The following MFSD6 variants were observed in gnomAD, a reference collection of about 807,000 sequenced individuals.
The protein encoded by MFSD6 is major facilitator superfamily domain containing 6.
In MFSD6, 26 loss-of-function variants were observed where a neutral mutation model predicts 56.3. The ratio of observed to expected loss-of-function variants is 0.46; its 90% CI spans 0.34 to 0.64. The LOEUF (loss-of-function observed/expected upper bound fraction) is 0.64. Ranked by LOEUF, MFSD6 falls within the 30% of genes least tolerant of loss-of-function variation. The pLI, the probability that MFSD6 is intolerant of heterozygous loss-of-function variation, is 0.01. For missense variants in MFSD6, 750 were observed against 986.2 expected (o/e 0.76, Z 3.21); for synonymous variants, 331 against 366.9 (o/e 0.90, Z 1.12).
rs1686259395 is a variant in MFSD6 at position 190,438,557 on chromosome 2, T to TAGAAGAA, written c.1532+996_1532+997insAGAAGAA. The stretch of plus-strand genomic sequence containing the variant: ...TGTAAGTGCCTAGTGTTTCTTGTTG[T>TAGAAGAA]GTACTATTTCTTCTCACCATTAATG... On this transcript the variant is annotated intron_variant, in intron 3 of 7. Coordinates refer to ENST00000392328, the MANE Select transcript of MFSD6 (RefSeq NM_017694.4). This position sits in a 1 kb window ranked among gnomAD's most constrained non-coding sequence, Gnocchi z 5.2. Among the ~76,000 whole-genome samples, 4 of 152,208 alleles carry TAGAAGAA rather than the reference T, an allele frequency of 2.6e-5. No individual in the cohort carries two copies. The highest frequency in any genetic ancestry group is 2.6e-4 in the Admixed American group (4 of 15,280).
chr2:190,431,113 C>T lies in MFSD6; in HGVS notation c.-53-4864C>T, dbSNP rs1315601823. Reference sequence around the variant, plus strand: ...GCTCCTCACATCCCAGACAGGGCGGCGGGGCAGAGGCGCTCCCCACATCTC... The same window carrying T: ...GCTCCTCACATCCCAGACAGGGCGGTGGGGCAGAGGCGCTCCCCACATCTC... On this transcript the variant is annotated intron_variant, in intron 2 of 7. Transcript: ENST00000392328. This position sits in a 1 kb window ranked among gnomAD's most constrained non-coding sequence, Gnocchi z 4.4. 2.7e-4 allele frequency among the ~76,000 whole-genome samples: 40 copies of T among 146,918 alleles called. No homozygotes were observed. The highest frequency in any genetic ancestry group is 8.9e-4 in the African/African-American group (35 of 39,440).
At chr2:190,460,753 A>G (rs1233716602) in intron 3 of MFSD6, among the ~76,000 whole-genome samples, 3 of 152,230 alleles carry the variant, frequency 2.0e-5, no homozygotes, top group Non-Finnish European at 4.4e-5. Context: ...GAATATCAAG[A>G]CACAGAGACA....
chr2:190,463,942 G>C lies in MFSD6; in HGVS notation c.1533-5816G>C. On this transcript the variant is annotated intron_variant, in intron 3 of 7. Transcript: ENST00000392328. This position sits in a 1 kb window ranked among gnomAD's most constrained non-coding sequence, Gnocchi z 4.4. ...ATCCAGTTTATATATGAGGCAGACTGTAGACTGTGCTCCAGGGATCTGGTG... is the reference window on the plus strand; with the variant it reads ...ATCCAGTTTATATATGAGGCAGACTCTAGACTGTGCTCCAGGGATCTGGTG... The C allele has an allele frequency of 4.2e-6, 4 of 958,076 alleles. No individual in the cohort carries two copies. The highest frequency in any genetic ancestry group is 2.5e-6 in the Non-Finnish European group (2 of 804,958). 59.3% of individuals were successfully genotyped at this position (958,076 alleles called of 1,614,324 possible).
In MFSD6 at chr2:190,412,023, C is replaced by A. The variant is rs1200961304; in HGVS notation, c.-175-3269C>A. 14 of 985,128 alleles carry A rather than the reference C, an allele frequency of 1.4e-5. No homozygotes were observed. Among genetic ancestry groups the A allele is most frequent in the Non-Finnish European group, 1.7e-5 (14 of 829,862 alleles). 61.0% of individuals were successfully genotyped at this position (985,128 alleles called of 1,614,324 possible). On this transcript the variant is annotated intron_variant, in intron 1 of 7. Coordinates refer to ENST00000392328, the MANE Select transcript of MFSD6 (RefSeq NM_017694.4). This position sits in a 1 kb window ranked among gnomAD's most constrained non-coding sequence, Gnocchi z 4.1. ...CATGAAATTATGGCATTCTGGATGA[C>A]TTTAGGTATAATTATTTTTAGTAAC... is the stretch of plus-strand genomic sequence containing the variant.
At chr2:190,480,784 A>G (rs1236461151) in intron 4 of MFSD6, among the ~76,000 whole-genome samples, 1 of 152,250 alleles carries the variant, frequency 6.6e-6, no homozygotes, top group African/African-American at 2.4e-5. Context: ...AGTATTAAAT[A>G]CACTAATCCA....
At chr2:190,479,978 C>T (rs1688566744) in intron 4 of MFSD6, among the ~76,000 whole-genome samples, 1 of 152,090 alleles carries the variant, frequency 6.6e-6, no homozygotes, top group South Asian at 2.1e-4. Flanking sequence ...GCCTGGGCAA[C>T]CTAGGGAGAC....
chr2:190,497,404 CTGAAAAAATAGT>C lies in MFSD6; in HGVS notation c.1892-33_1892-22del, dbSNP rs1689762032. 1.9e-6 allele frequency: 3 copies of C among 1,596,288 alleles called. No individual in the cohort carries two copies. The highest frequency in any genetic ancestry group is 1.7e-6 in the Non-Finnish European group (2 of 1,170,124). On this transcript the variant is annotated intron_variant, in intron 6 of 7. Transcript: ENST00000392328. This position sits in a 1 kb window ranked among gnomAD's most constrained non-coding sequence, Gnocchi z 5.2. ...CCTTTGTTCAAATATGTAGAAAATG[CTGAAAAAATAGT>C]TTAAACATTCTTTTCTCTCCAGACA...
rs1689299665 is a variant in MFSD6 at position 190,490,744 on chromosome 2, A to C, written c.1891+878A>C. The stretch of plus-strand genomic sequence containing the variant: ...AAAGGTCAACCAGGAGGATGAAAAT[A>C]TTTTTGCTCAGTTTTTTGGTCCCAG... On this transcript the variant is annotated intron_variant, in intron 6 of 7. Coordinates refer to ENST00000392328, the MANE Select transcript of MFSD6 (RefSeq NM_017694.4). This position sits in a 1 kb window ranked among gnomAD's most constrained non-coding sequence, Gnocchi z 4.5. Among the ~76,000 whole-genome samples, 1 of 152,112 alleles carries C rather than the reference A, an allele frequency of 6.6e-6. No individual in the cohort carries two copies. The highest frequency in any genetic ancestry group is 1.5e-5 in the Non-Finnish European group (1 of 68,032).
chr2:190,412,399 T>C lies in MFSD6; in HGVS notation c.-175-2893T>C. ...TAATTATGTTTTAGGCAGAAGGAAATCTCCATCTTTTAATTTAGGAAACTT... is the reference window on the plus strand; with the variant it reads ...TAATTATGTTTTAGGCAGAAGGAAACCTCCATCTTTTAATTTAGGAAACTT... On this transcript the variant is annotated intron_variant, in intron 1 of 7. Transcript: ENST00000392328. This position sits in a 1 kb window ranked among gnomAD's most constrained non-coding sequence, Gnocchi z 4.1. 1.0e-6 allele frequency: 1 copy of C among 985,082 alleles called. No homozygotes were observed. The highest frequency in any genetic ancestry group is 1.2e-6 in the Non-Finnish European group (1 of 829,634). 61.0% of individuals were successfully genotyped at this position (985,082 alleles called of 1,614,324 possible).
rs914891988 is a variant in MFSD6 at position 190,496,745 on chromosome 2, A to G, written c.1892-694A>G. On this transcript the variant is annotated intron_variant, in intron 6 of 7. Coordinates refer to ENST00000392328, the MANE Select transcript of MFSD6 (RefSeq NM_017694.4). This position sits in a 1 kb window ranked among gnomAD's most constrained non-coding sequence, Gnocchi z 4.7. ...ACTACTCAGCCATAAAAAGGAATGAATTAATGGCATTCACAGCAACCTGGA... is the reference window on the plus strand; with the variant it reads ...ACTACTCAGCCATAAAAAGGAATGAGTTAATGGCATTCACAGCAACCTGGA... Among the ~76,000 whole-genome samples, 4 of 152,208 alleles carry G rather than the reference A, an allele frequency of 2.6e-5. No homozygotes were observed. The highest frequency in any genetic ancestry group is 5.9e-5 in the Non-Finnish European group (4 of 68,028).
rs113425758 is a variant in MFSD6 at position 190,439,116 on chromosome 2, T to A, written c.1532+1555T>A. The stretch of plus-strand genomic sequence containing the variant: ...AATTTTGTCCACACCATGTTTAGAT[T>A]ATCTGAGCTGTTTAAATTGACCGAG... On this transcript the variant is annotated intron_variant, in intron 3 of 7. Transcript: ENST00000392328. This position sits in a 1 kb window ranked among gnomAD's most constrained non-coding sequence, Gnocchi z 5.8. Among the ~76,000 whole-genome samples, 1 of 152,040 alleles carries A rather than the reference T, an allele frequency of 6.6e-6. No individual in the cohort carries two copies. Among genetic ancestry groups the A allele is most frequent in the Non-Finnish European group, 1.5e-5 (1 of 68,030 alleles).
In MFSD6 at chr2:190,410,211, ATTATG is replaced by A. The variant is rs1690499911; in HGVS notation, c.-176+1711_-176+1715del. Reference sequence around the variant, plus strand: ...TATTAAGGCATTTTTTTGGGTACTTATTATGTTCAAGACACCATTGTAAACATTTA... The same window carrying A: ...TATTAAGGCATTTTTTTGGGTACTTATTCAAGACACCATTGTAAACATTTA... On this transcript the variant is annotated intron_variant, in intron 1 of 7. Transcript: ENST00000392328. The surrounding 1 kb of genome is among the most constrained non-coding windows in gnomAD (Gnocchi z 4.4). Among the ~76,000 whole-genome samples the A allele has an allele frequency of 6.6e-6, 1 of 152,132 alleles. No individual in the cohort carries two copies. The highest frequency in any genetic ancestry group is 2.4e-5 in the African/African-American group (1 of 41,394).
rs558622021 is a variant in MFSD6, at chr2:190,444,720, A to G, written c.1532+7159A>G. ...TGGATAATCAGTCCAACATTTCTAC[A>G]GGGGTTAGAATTTATATCATCTTGT... On this transcript the variant is annotated intron_variant, in intron 3 of 7. Transcript: ENST00000392328. 5.5e-5 allele frequency: 9 copies of G among 163,314 alleles called. 1 individual carries two copies. The South Asian group carries it at 1.4e-3, about 25-fold the overall frequency. The allele number at this position is 163,314 out of a possible 1,614,324, so 10.1% of individuals were successfully genotyped here. A position where few individuals can be genotyped will look rare whatever the true frequency, so the allele number is the denominator to read the frequency against.
At chr2:190,432,843 C>G (rs1686053979) in intron 2 of MFSD6, among the ~76,000 whole-genome samples, 1 of 147,228 alleles carries the variant, frequency 6.8e-6, no homozygotes, top group African/African-American at 2.5e-5. Context: ...CACACACACT[C>G]TCTCTCTCTC....
chr2:190,446,342 G>A (rs1389906814), intron 3 of MFSD6, among the ~76,000 whole-genome samples: 1 of 152,152 alleles, frequency 6.6e-6, no homozygotes, highest in Non-Finnish European at 1.5e-5. Context: ...CACAGTTTGG[G>A]AAGTTCCCCC....
Position 190,488,828 on chromosome 2 carries a change from G to A in MFSD6, c.1792+10G>A. 3 of 1,531,388 alleles carry A rather than the reference G, an allele frequency of 2.0e-6. No individual in the cohort carries two copies. Among genetic ancestry groups the A allele is most frequent in the South Asian group, 2.5e-5 (2 of 79,262 alleles). 94.9% of individuals were successfully genotyped at this position (1,531,388 alleles called of 1,614,324 possible). A position where few individuals can be genotyped will look rare whatever the true frequency, so the allele number is the denominator to read the frequency against. The stretch of plus-strand genomic sequence containing the variant: ...TTAGTCAATTATTTTGGTAAGAATG[G>A]CTTTCTCCTTTTTTTTCTTTTCTAT... On this transcript the variant is annotated intron_variant, in intron 5 of 7. Coordinates refer to ENST00000392328, the MANE Select transcript of MFSD6 (RefSeq NM_017694.4). This position sits in a 1 kb window ranked among gnomAD's most constrained non-coding sequence, Gnocchi z 6.4.
Position 190,485,493 on chromosome 2 carries a change from AATTT to A in MFSD6, c.1631-3159_1631-3156del, listed in dbSNP as rs1278086153. ...GAATCTAATTAATTTTGAATAAATT[AATTT>A]ATTTCTTGGAATATTTTTGAGTTTT... On this transcript the variant is annotated intron_variant, in intron 4 of 7. Coordinates refer to ENST00000392328, the MANE Select transcript of MFSD6 (RefSeq NM_017694.4). The surrounding 1 kb of genome is among the most constrained non-coding windows in gnomAD (Gnocchi z 5.1). Among the ~76,000 whole-genome samples, 5 of 152,168 alleles carry A rather than the reference AATTT, an allele frequency of 3.3e-5. No individual in the cohort carries two copies. Among genetic ancestry groups the A allele is most frequent in the South Asian group, 2.1e-4 (1 of 4,834 alleles).
chr2:190,407,770 G>A (rs1690362331), upstream of MFSD6, among the ~76,000 whole-genome samples: 1 of 152,224 alleles, frequency 6.6e-6, no homozygotes, highest in Non-Finnish European at 1.5e-5. This position sits in a 1 kb window ranked among gnomAD's most constrained non-coding sequence, Gnocchi z 5.4. Flanking sequence ...GAAACTCACA[G>A]ATCGTTTGTC....
In MFSD6 at chr2:190,490,997, A is replaced by G. The variant is rs1218852527; in HGVS notation, c.1891+1131A>G. 6.6e-6 allele frequency among the ~76,000 whole-genome samples: 1 copy of G among 152,230 alleles called. No individual in the cohort carries two copies. The highest frequency in any genetic ancestry group is 1.5e-5 in the Non-Finnish European group (1 of 68,042). ...ACAGCCTCAGTCCATGCCTCATGTAAAAGACCAATAAAAATAACTATCATG... is the reference window on the plus strand; with the variant it reads ...ACAGCCTCAGTCCATGCCTCATGTAGAAGACCAATAAAAATAACTATCATG... On this transcript the variant is annotated intron_variant, in intron 6 of 7. Transcript: ENST00000392328. The surrounding 1 kb of genome is among the most constrained non-coding windows in gnomAD (Gnocchi z 4.5).
Sources: allele counts gnomAD v4.1 joint callset (sites outside exome capture counted in the v4.1 genomes callset), GRCh38; gene constraint gnomAD v4.1.1; non-coding constraint Gnocchi (gnomAD v3.1); transcripts MANE v1.5; gene names NCBI Gene and HGNC (gene_info 2026-07-23, HGNC 2026-07-21).